CNTN5: variants seen among roughly 807,000 people sequenced by gnomAD.
CNTN5 encodes the protein contactin 5.
CNTN5 carries 77 observed loss-of-function variants against 129.1 expected under a neutral mutation model. The ratio of observed to expected loss-of-function variants is 0.60; its 90% CI spans 0.50 to 0.72. CNTN5 has a LOEUF of 0.72. Among genes scored for constraint, CNTN5 ranks in the 30% least tolerant of loss-of-function variants. The pLI is 0.00. For synonymous variants in CNTN5, 509 were observed against 465.6 expected, an observed-to-expected ratio of 1.09 and a Z score of -1.20; for missense variants, 1,478 against 1,328.8, an observed-to-expected ratio of 1.11 and a Z score of -1.75.
At chr11:99,972,835 C>T (rs1392961035) in intron 8 of CNTN5, among the ~76,000 whole-genome samples, 5 of 152,098 alleles carry the variant, frequency 3.3e-5, no homozygotes, top group African/African-American at 1.2e-4. Context: ...AAATTATCCT[C>T]ACCCCATATA....
At chr11:99,105,808 G>T (rs1866968375) in intron 1 of CNTN5, among the ~76,000 whole-genome samples, 1 of 152,094 alleles carries the variant, frequency 6.6e-6, no homozygotes, top group South Asian at 2.1e-4. Context: ...GGAAACCCTA[G>T]CATCCCATGA....
intron 3 of CNTN5, among the ~76,000 whole-genome samples, chr11:99,691,700 G>A (rs1954046096): frequency 6.6e-6 from 1 of 152,136 alleles, no homozygotes; most frequent in South Asian, 2.1e-4. Flanking sequence ...TAAGTGCCAT[G>A]TGGTGATGAG....
intron 9 of CNTN5, among the ~76,000 whole-genome samples, chr11:100,031,925 C>T (rs781124599): frequency 7.3e-5 from 11 of 151,580 alleles, no homozygotes; most frequent in Non-Finnish European, 1.5e-4. Flanking sequence ...GGTGGCACCA[C>T]GGGACCAGAA....
rs567611085 is a variant in CNTN5, at chr11:99,757,502, A to T, written c.56-62042A>T. ...CAAATACCTCTTCCTTCATCTTCACATGGAGCTGTGTGGCTCAGTCTGTTT... is the reference window on the plus strand; with the variant it reads ...CAAATACCTCTTCCTTCATCTTCACTTGGAGCTGTGTGGCTCAGTCTGTTT... On this transcript the variant is annotated intron_variant, in intron 3 of 24. Coordinates refer to ENST00000524871, the MANE Select transcript of CNTN5 (RefSeq NM_014361.4). Among the ~76,000 whole-genome samples, 7 of 151,396 alleles carry T rather than the reference A, an allele frequency of 4.6e-5. No individual in the cohort carries two copies. The South Asian group carries it at 1.5e-3, about 32-fold the overall frequency.
At chr11:99,100,263 G>T (rs1329817147) in intron 1 of CNTN5, among the ~76,000 whole-genome samples, 3 of 151,452 alleles carry the variant, frequency 2.0e-5, no homozygotes, top group Non-Finnish European at 2.9e-5. Flanking sequence ...TGCCAGCCCT[G>T]CTCCCAAGGA....
At chr11:99,212,749 A>T (rs1313862524) in intron 1 of CNTN5, among the ~76,000 whole-genome samples, 2 of 152,190 alleles carry the variant, frequency 1.3e-5, no homozygotes, top group Non-Finnish European at 2.9e-5. Context: ...TAACACATTT[A>T]AAAATTTTAA....
intron 3 of CNTN5, among the ~76,000 whole-genome samples, chr11:99,652,979 G>A (rs918686032): frequency 1.3e-5 from 2 of 151,884 alleles, no homozygotes; most frequent in African/African-American, 4.8e-5. Context: ...TATAAACCTT[G>A]GGGTAAGCTC....
At chr11:99,390,120 A>T (rs1027815674) in intron 2 of CNTN5, among the ~76,000 whole-genome samples, 1 of 135,474 alleles carries the variant, frequency 7.4e-6, no homozygotes, top group Admixed American at 7.9e-5. Context: ...CAAATAAAAA[A>T]TAAAATAAGC....
intron 3 of CNTN5, among the ~76,000 whole-genome samples, chr11:99,778,383 C>T (rs1362462051): frequency 6.6e-6 from 1 of 151,816 alleles, no homozygotes; most frequent in Non-Finnish European, 1.5e-5. Context: ...TGTGTTTAGA[C>T]TGTATGCTTT....
At chr11:99,195,622 A>T (rs959892057) in intron 1 of CNTN5, among the ~76,000 whole-genome samples, 3 of 151,900 alleles carry the variant, frequency 2.0e-5, no homozygotes, top group Admixed American at 6.6e-5. Flanking sequence ...CTTTTCTAGG[A>T]ATTACCTATT....
intron 6 of CNTN5, among the ~76,000 whole-genome samples, chr11:99,852,740 T>C (rs1947911554): frequency 6.6e-6 from 1 of 152,164 alleles, no homozygotes; most frequent in Non-Finnish European, 1.5e-5. Flanking sequence ...TTGTTTTGCT[T>C]TTAGGAATTC....
chr11:99,650,015 A>G (rs1369074055), intron 3 of CNTN5, among the ~76,000 whole-genome samples: 1 of 151,692 alleles, frequency 6.6e-6, no homozygotes, highest in Non-Finnish European at 1.5e-5. Flanking sequence ...TCTACCTGAA[A>G]TGTGTTATTT....
intron 1 of CNTN5, among the ~76,000 whole-genome samples, chr11:99,288,016 A>G (rs1318085089): frequency 1.3e-5 from 2 of 151,942 alleles, no homozygotes; most frequent in Non-Finnish European, 2.9e-5. Context: ...TCACTTTGGT[A>G]TGTTCAGTGT....
At chr11:99,090,722 A>G (rs1053244890) in intron 1 of CNTN5, among the ~76,000 whole-genome samples, 20 of 82,790 alleles carry the variant, frequency 2.4e-4, no homozygotes, top group African/African-American at 7.6e-4. Flanking sequence ...TGCTCACCAG[A>G]AAAAAAAAAA....
intron 9 of CNTN5, among the ~76,000 whole-genome samples, chr11:100,052,923 A>C (rs916114202): frequency 6.6e-6 from 1 of 151,786 alleles, no homozygotes; most frequent in South Asian, 2.1e-4. Context: ...TCTAAAGTCC[A>C]TCAAAAAAAT....
intron 1 of CNTN5, among the ~76,000 whole-genome samples, chr11:99,210,233 A>C (rs1471506914): frequency 6.6e-6 from 1 of 152,170 alleles, no homozygotes; most frequent in African/African-American, 2.4e-5. Flanking sequence ...TAGCATGAGA[A>C]TCCCCATTCC....
At chr11:99,946,566 C>G (rs1950557384) in intron 7 of CNTN5, among the ~76,000 whole-genome samples, 1 of 151,996 alleles carries the variant, frequency 6.6e-6, no homozygotes, top group Non-Finnish European at 1.5e-5. Flanking sequence ...AACACCAAAT[C>G]CTAGAAAACT....
rs188344216 is a variant in CNTN5, at chr11:100,282,697, G to A, written c.2314+11456G>A. Among the ~76,000 whole-genome samples, 95 of 152,318 alleles carry A rather than the reference G, an allele frequency of 6.2e-4. 1 individual carries two copies. Among genetic ancestry groups the A allele is most frequent in the African/African-American group, 1.6e-3 (67 of 41,580 alleles). On this transcript the variant is annotated intron_variant, in intron 18 of 24. Transcript: ENST00000524871. Reference sequence around the variant, plus strand: ...TGGTGAGTTCCCCTAGGGCCTAGGCGGATCCAGAGGTGCCATTCAGGAGCC... The same window carrying A: ...TGGTGAGTTCCCCTAGGGCCTAGGCAGATCCAGAGGTGCCATTCAGGAGCC...
At chr11:99,428,485 GGGA>G (rs575817020) in intron 2 of CNTN5, among the ~76,000 whole-genome samples, 177 of 150,866 alleles carry the variant, frequency 1.2e-3, no homozygotes, top group African/African-American at 4.2e-3. Flanking sequence ...TCTTGAACTT[GGGA>G]GGAGGAGGCT....
Sources: allele counts gnomAD v4.1 joint callset (sites outside exome capture counted in the v4.1 genomes callset), GRCh38; gene constraint gnomAD v4.1.1; transcripts MANE v1.5; gene names NCBI Gene and HGNC (gene_info 2026-07-23, HGNC 2026-07-21).